The following CAMK1D variants were observed in gnomAD, a reference collection of about 807,000 sequenced individuals.
CAMK1D encodes the protein calcium/calmodulin-dependent protein kinase type 1D.
Under a neutral mutation model 47.7 loss-of-function variants are expected in CAMK1D, and 9 were observed. That is an observed-to-expected ratio of 0.19 (90% confidence interval 0.11 to 0.33). CAMK1D has a LOEUF of 0.33. Among genes scored for constraint, CAMK1D ranks in the 10% least tolerant of loss-of-function variants. The pLI is 1.00. For synonymous variants in CAMK1D, 184 were observed against 184.9 expected, an observed-to-expected ratio of 0.99 and a Z score of 0.04; for missense variants, 291 against 488.7, an observed-to-expected ratio of 0.60 and a Z score of 3.81.
chr10:12,711,435 C>T (rs917250634), intron 3 of CAMK1D, among the ~76,000 whole-genome samples: 1 of 152,200 alleles, frequency 6.6e-6, no homozygotes, highest in South Asian at 2.1e-4. Context: ...GAGAATGCAT[C>T]GTTGGAAGAG....
chr10:12,682,220 AAAAAC>A (rs142583947), intron 3 of CAMK1D, among the ~76,000 whole-genome samples: 67,504 of 150,940 alleles, frequency 0.45, 15,424 homozygotes, highest in South Asian at 0.59. Flanking sequence ...ACTCCATCTC[AAAAAC>A]AAAACAAAAC....
intron 1 of CAMK1D, among the ~76,000 whole-genome samples, chr10:12,433,739 T>C (rs1024608394): frequency 3.9e-5 from 6 of 152,244 alleles, no homozygotes; most frequent in Non-Finnish European, 7.3e-5. Flanking sequence ...TTGAGGAACC[T>C]GCCAGATAGC....
At chr10:12,569,569 A>AG (rs35737226) in intron 2 of CAMK1D, among the ~76,000 whole-genome samples, 4 of 149,986 alleles carry the variant, frequency 2.7e-5, no homozygotes, top group Admixed American at 2.7e-4. Context: ...AAAAAAAAAA[A>AG]TTAGCCGGGC....
chr10:12,678,862 G>A (rs1193229701), intron 3 of CAMK1D, among the ~76,000 whole-genome samples: 1 of 151,820 alleles, frequency 6.6e-6, no homozygotes, highest in East Asian at 1.9e-4. Flanking sequence ...TCCCAGGTTC[G>A]AGTGATTCTC....
At chr10:12,667,560 T>C (rs1349682514) in intron 3 of CAMK1D, among the ~76,000 whole-genome samples, 1 of 152,232 alleles carries the variant, frequency 6.6e-6, no homozygotes, top group African/African-American at 2.4e-5. Flanking sequence ...TTTAGTAGAA[T>C]TAACTGATAG....
chr10:12,747,034 T>TGTTC (rs1447472191), intron 3 of CAMK1D, among the ~76,000 whole-genome samples: 1 of 145,872 alleles, frequency 6.9e-6, no homozygotes, highest in Non-Finnish European at 1.5e-5. Context: ...TCTTTTTGTT[T>TGTTC]GTTTGTTTGT....
chr10:12,646,284 A>G (rs930959361), intron 2 of CAMK1D, among the ~76,000 whole-genome samples: 9 of 152,212 alleles, frequency 5.9e-5, no homozygotes, highest in African/African-American at 1.7e-4. Context: ...TCTCACTTCT[A>G]TGGCTCCAAA....
In CAMK1D at chr10:12,831,321, A is replaced by G. The variant is rs1833415432; in HGVS notation, c.*2434A>G. The G allele has an allele frequency of 1.3e-5, 2 of 152,240 alleles. No individual in the cohort carries two copies. The highest frequency in any genetic ancestry group is 2.4e-5 in the African/African-American group (1 of 41,454). 9.4% of individuals were successfully genotyped at this position (152,240 alleles called of 1,614,324 possible). A position where few individuals can be genotyped will look rare whatever the true frequency, so the allele number is the denominator to read the frequency against. ...GTCTTGGAAACATTCGAGTTCATAC[A>G]GTGCATGACAAAGTAATAGAAGGCT... On this transcript the variant is annotated 3_prime_UTR_variant, in exon 11 of 11. Transcript: ENST00000619168.
chr10:12,760,930 T>G lies in CAMK1D; in HGVS notation c.300-18T>G. ...TCAACAGATCCTTTCAAACTTCTAA[T>G]ATGTTCTTTTTTGCCAGGGTGTCCG... On this transcript the variant is annotated intron_variant, in intron 3 of 10. Coordinates refer to ENST00000619168, the MANE Select transcript of CAMK1D (RefSeq NM_153498.4). 6.2e-7 allele frequency: 1 copy of G among 1,609,558 alleles called. No individual in the cohort carries two copies.
At chr10:12,718,454 G>A (rs937107912) in intron 3 of CAMK1D, among the ~76,000 whole-genome samples, 7 of 152,160 alleles carry the variant, frequency 4.6e-5, no homozygotes, top group African/African-American at 1.7e-4. Context: ...CACAAGGTGG[G>A]AATCTTATGG....
Position 12,734,415 on chromosome 10 carries a change from CACACATGTATATATATAT to C in CAMK1D, c.300-26527_300-26510del, listed in dbSNP as rs1222886705. On this transcript the variant is annotated intron_variant, in intron 3 of 10. Transcript: ENST00000619168. ...AGATATATATATATATACACACACA[CACACATGTATATATATAT>C]ACACACACACATATGTGTATATATA... Among the ~76,000 whole-genome samples, 70 of 9,370 alleles carry C rather than the reference CACACATGTATATATATAT, an allele frequency of 7.5e-3. 5 individuals carry two copies. Among genetic ancestry groups the C allele is most frequent in the South Asian group, 0.064 (18 of 280 alleles). The allele number at this position is 9,370 out of a possible 152,430, so 6.1% of individuals were successfully genotyped here.
At chr10:12,523,247 C>T (rs1485136750) in intron 1 of CAMK1D, among the ~76,000 whole-genome samples, 1 of 151,492 alleles carries the variant, frequency 6.6e-6, no homozygotes, top group Non-Finnish European at 1.5e-5. Context: ...AAGAGGCGCT[C>T]CTCACTTCCC....
intron 3 of CAMK1D, among the ~76,000 whole-genome samples, chr10:12,716,860 G>A (rs972705251): frequency 2.0e-5 from 3 of 152,110 alleles, no homozygotes; most frequent in Admixed American, 2.0e-4. Flanking sequence ...CCCGCGGCCT[G>A]GCTGTCGGGA....
chr10:12,644,299 C>CT (rs987233074), intron 2 of CAMK1D, among the ~76,000 whole-genome samples: 15 of 152,158 alleles, frequency 9.9e-5, no homozygotes, highest in African/African-American at 3.6e-4. Context: ...ACAAATGTTC[C>CT]TTTTTCCATT....
At chr10:12,448,781 T>C (rs1588496840) in intron 1 of CAMK1D, among the ~76,000 whole-genome samples, 3 of 152,158 alleles carry the variant, frequency 2.0e-5, no homozygotes, top group African/African-American at 7.2e-5. Flanking sequence ...CCCGGACCAT[T>C]CCTCCCGGTG....
At chr10:12,639,129 G>A (rs957179200) in intron 2 of CAMK1D, among the ~76,000 whole-genome samples, 6 of 152,216 alleles carry the variant, frequency 3.9e-5, no homozygotes, top group African/African-American at 7.2e-5. Flanking sequence ...AGGACCTCCC[G>A]CCTCAGAAAG....
At chr10:12,418,410 G>T (rs1161906118) in intron 1 of CAMK1D, among the ~76,000 whole-genome samples, 5 of 152,160 alleles carry the variant, frequency 3.3e-5, no homozygotes, top group Non-Finnish European at 7.3e-5. Context: ...TTCAAGAGCA[G>T]TCTGGGCAAC....
chr10:12,573,026 G>A (rs1837374816), intron 2 of CAMK1D, among the ~76,000 whole-genome samples: 1 of 152,224 alleles, frequency 6.6e-6, no homozygotes, highest in Admixed American at 6.5e-5. Context: ...AGTGTTTAAA[G>A]TCTCATTTAA....
At chr10:12,703,278 A>G (rs920792325) in intron 3 of CAMK1D, among the ~76,000 whole-genome samples, 4 of 152,148 alleles carry the variant, frequency 2.6e-5, no homozygotes, top group Non-Finnish European at 5.9e-5. Context: ...TGCCATTCCT[A>G]TTGGACCTAC....
Sources: gnomAD v4.1 joint callset for allele counts (sites outside exome capture counted in the v4.1 genomes callset) on GRCh38, gnomAD v4.1.1 for gene constraint, MANE v1.5 for transcripts, NCBI Gene and HGNC (gene_info 2026-07-23, HGNC 2026-07-21) for gene names.